The following DLGAP1 variants were observed in gnomAD, a reference collection of about 807,000 sequenced individuals.
DLGAP1 encodes the protein disks large-associated protein 1.
A neutral mutation model predicts 90.8 loss-of-function variants in DLGAP1; 11 were observed. That is an observed-to-expected ratio of 0.12 (90% CI 0.08 to 0.20). DLGAP1 has a LOEUF of 0.20. Among genes scored for constraint, DLGAP1 ranks in the 10% least tolerant of loss-of-function variants. The pLI is 1.00. For synonymous variants in DLGAP1, 558 were observed against 540.7 expected (o/e 1.03, Z -0.44); for missense variants, 1,050 against 1,333.8 (o/e 0.79, Z 3.31).
chr18:4,066,281 C>T (rs1296976693), intron 2 of DLGAP1, among the ~76,000 whole-genome samples: 1 of 152,024 alleles, frequency 6.6e-6, no homozygotes, highest in Non-Finnish European at 1.5e-5. Flanking sequence ...ATGCCAAAAG[C>T]AATTGCAACA....
At chr18:3,502,327 A>C in intron 12 of DLGAP1, 166 bp downstream of exon 12, 1 of 1,391,034 alleles carries the variant, frequency 7.2e-7, no homozygotes, top group Non-Finnish European at 9.3e-7. Context: ...ATTACAGATA[A>C]TATCCCAAAT....
chr18:4,222,914 G>A (rs1262587481), intron 1 of DLGAP1, among the ~76,000 whole-genome samples: 1 of 151,930 alleles, frequency 6.6e-6, no homozygotes, highest in East Asian at 1.9e-4. Flanking sequence ...TTAAAATATT[G>A]GAATGACCAT....
chr18:4,307,709 CTTTTTTTTTTTT>C (rs34193366), intron 1 of DLGAP1, among the ~76,000 whole-genome samples: 33,773 of 107,764 alleles, frequency 0.31, 4,179 homozygotes, highest in Middle Eastern at 0.41. Context: ...TGAGGGTTTA[CTTTTTTTTTTTT>C]TTTTTTTTTT....
At chr18:3,591,520 T>A (rs552910732) in intron 7 of DLGAP1, among the ~76,000 whole-genome samples, 1 of 151,646 alleles carries the variant, frequency 6.6e-6, no homozygotes, top group African/African-American at 2.4e-5. Context: ...GAAACCCATC[T>A]CCACAAAATT....
intron 5 of DLGAP1, among the ~76,000 whole-genome samples, chr18:3,744,829 A>G (rs2063202493): frequency 6.6e-6 from 1 of 152,214 alleles, no homozygotes; most frequent in African/African-American, 2.4e-5. Flanking sequence ...TACAGGCATA[A>G]GCCACTGCCC....
In DLGAP1 at chr18:4,454,198, C is replaced by A. The variant is rs2083908991; in HGVS notation, c.-267+808G>T. 6.6e-6 allele frequency among the ~76,000 whole-genome samples: 1 copy of A among 152,226 alleles called. No homozygotes were observed. The highest frequency in any genetic ancestry group is 6.5e-5 in the Admixed American group (1 of 15,286). ...ATCGCCGCGGGCCCTCCGAAGGTGC[C>A]TCTCCCAGCTGCAGCCGCCCCTCAA... On this transcript the variant is annotated intron_variant, in intron 1 of 12. Coordinates refer to ENST00000315677, the MANE Select transcript of DLGAP1 (RefSeq NM_004746.4). This position sits in a 1 kb window ranked among gnomAD's most constrained non-coding sequence, Gnocchi z 4.7.
chr18:4,164,211 C>T (rs77424860), intron 1 of DLGAP1, among the ~76,000 whole-genome samples: 4,023 of 152,022 alleles, frequency 0.026, 194 homozygotes, highest in African/African-American at 0.09. Context: ...CCTAATTTAA[C>T]GGATAAAAGG....
At chr18:4,238,136 A>G (rs75913550) in intron 1 of DLGAP1, among the ~76,000 whole-genome samples, 5,397 of 152,234 alleles carry the variant, frequency 0.035, 312 homozygotes, top group African/African-American at 0.12. Flanking sequence ...GGGATGCTCA[A>G]TTTGTATTTC....
At chr18:3,628,686 A>G (rs921628063) in intron 7 of DLGAP1, among the ~76,000 whole-genome samples, 1 of 152,160 alleles carries the variant, frequency 6.6e-6, no homozygotes, top group Admixed American at 6.5e-5. Flanking sequence ...ATTCCTAAAC[A>G]ATATAGCTTG....
At chr18:4,146,347 C>T (rs60152255) in intron 2 of DLGAP1, among the ~76,000 whole-genome samples, 15,476 of 152,056 alleles carry the variant, frequency 0.1, 1,806 homozygotes, top group African/African-American at 0.28. Flanking sequence ...ATGAAAGAGC[C>T]GAGTTTTGAA....
chr18:4,063,186 T>A lies in DLGAP1; in HGVS notation c.-158-57985A>T, dbSNP rs116541239. Among the ~76,000 whole-genome samples the A allele has an allele frequency of 2.1e-3, 315 of 152,196 alleles. 3 individuals carry two copies. Among genetic ancestry groups the A allele is most frequent in the African/African-American group, 7.3e-3 (304 of 41,552 alleles). ...GTAGAACTTCTCTAATGAGAGGCGA[T>A]AAATGGCTAGCATATATAATACAGT... On this transcript the variant is annotated intron_variant, in intron 2 of 12. Transcript: ENST00000315677.
intron 1 of DLGAP1, among the ~76,000 whole-genome samples, chr18:4,276,443 C>A (rs372227224): frequency 6.6e-6 from 1 of 151,834 alleles, no homozygotes; most frequent in Admixed American, 6.6e-5. Flanking sequence ...CAAGACCAGC[C>A]TGGCCAACGT....
intron 1 of DLGAP1, among the ~76,000 whole-genome samples, chr18:4,316,792 A>ATTACT (rs2080539154): frequency 6.6e-6 from 1 of 152,170 alleles, no homozygotes; most frequent in African/African-American, 2.4e-5. Flanking sequence ...TCTCTTCCTG[A>ATTACT]GTCCGGTTAC....
chr18:4,119,944 CTCTT>C (rs925341726), intron 2 of DLGAP1, among the ~76,000 whole-genome samples: 4 of 152,102 alleles, frequency 2.6e-5, no homozygotes, highest in African/African-American at 7.2e-5. Flanking sequence ...TTTTAAGTAT[CTCTT>C]TGAGGTTTAA....
intron 3 of DLGAP1, chr18:3,995,731 A>G (rs1877385747): frequency 6.6e-6 from 1 of 151,918 alleles, no homozygotes; most frequent in Admixed American, 6.6e-5. Flanking sequence ...GTAAAAAAAA[A>G]AAAACCACCA....
intron 3 of DLGAP1, among the ~76,000 whole-genome samples, chr18:3,906,229 C>A (rs915724299): frequency 1.3e-5 from 2 of 152,196 alleles, no homozygotes; most frequent in African/African-American, 4.8e-5. Context: ...TACTAATTAA[C>A]CAGGGTCTAG....
intron 4 of DLGAP1, among the ~76,000 whole-genome samples, chr18:3,819,802 T>G (rs1256103207): frequency 6.6e-6 from 1 of 152,226 alleles, no homozygotes; most frequent in Non-Finnish European, 1.5e-5. Context: ...GACATGTCTT[T>G]TGGGTAACAA....
intron 2 of DLGAP1, among the ~76,000 whole-genome samples, chr18:4,092,440 T>G (rs1215326311): frequency 6.6e-6 from 1 of 152,192 alleles, no homozygotes; most frequent in Admixed American, 6.5e-5. Context: ...AATTCTGCCT[T>G]GCATCTGGTA....
At chr18:4,386,888 G>A (rs28625993) in intron 1 of DLGAP1, among the ~76,000 whole-genome samples, 6,435 of 152,266 alleles carry the variant, frequency 0.042, 432 homozygotes, top group African/African-American at 0.15. Flanking sequence ...GAGAGCATCA[G>A]GTTGCATAAT....
Sources: allele counts gnomAD v4.1 joint callset (sites outside exome capture counted in the v4.1 genomes callset), GRCh38; gene constraint gnomAD v4.1.1; non-coding constraint Gnocchi (gnomAD v3.1); transcripts MANE v1.5; gene names NCBI Gene and HGNC (gene_info 2026-07-23, HGNC 2026-07-21).